The following PHLPP1 variants were observed in gnomAD, a reference collection of about 807,000 sequenced individuals.
PHLPP1 encodes PH domain and leucine rich repeat protein phosphatase 1.
A neutral mutation model predicts 117.2 loss-of-function variants in PHLPP1; 42 were observed. That is an observed-to-expected ratio of 0.36 (90% CI 0.28 to 0.46). PHLPP1 has a LOEUF of 0.46. Among genes scored for constraint, PHLPP1 ranks in the 20% least tolerant of loss-of-function variants. PHLPP1 has a pLI of 1.00. For missense variants in PHLPP1, 2,084 were observed against 2,241.9 expected (o/e 0.93, Z 1.42); for synonymous variants, 1,042 against 970.7 (o/e 1.07, Z -1.37).
intron 1 of PHLPP1, among the ~76,000 whole-genome samples, chr18:62,743,897 T>G (rs1288407184): frequency 1.3e-5 from 2 of 152,128 alleles, no homozygotes; most frequent in Admixed American, 1.3e-4. Context: ...CATTGAAATT[T>G]TGGACATATA....
chr18:62,917,723 A>C (rs1035864117), intron 9 of PHLPP1, among the ~76,000 whole-genome samples: 6 of 151,682 alleles, frequency 4.0e-5, no homozygotes, highest in Admixed American at 3.3e-4. Context: ...TTGAGGCAGG[A>C]GGATTGCTTG....
At chr18:62,941,067 A>C (rs983288508) in intron 10 of PHLPP1, among the ~76,000 whole-genome samples, 1 of 152,120 alleles carries the variant, frequency 6.6e-6, no homozygotes, top group African/African-American at 2.4e-5. Flanking sequence ...CTGTTGATAC[A>C]TGTTGTTTTA....
At position 62,715,704 on chromosome 18, in the gene PHLPP1, C is replaced by A; in HGVS notation, c.21C>A (p.Ala7=). 3 of 1,290,800 alleles carry A rather than the reference C, an allele frequency of 2.3e-6. No individual in the cohort carries two copies. The highest frequency in any genetic ancestry group is 2.6e-4 in the Middle Eastern group (1 of 3,810). The allele number at this position is 1,290,800 out of a possible 1,614,324, so 80.0% of individuals were successfully genotyped here. MEPAAA[A]TVQRLPELGR... is the part of the protein sequence containing the mutation. ...CTGCAATGGAGCCCGCCGCCGCGGC[C>A]ACGGTACAGCGACTCCCCGAGCTCG... Residue 7 remains alanine (A), a synonymous_variant, in exon 1 of 17, where the codon GCC becomes GCA. Coordinates refer to ENST00000262719, the MANE Select transcript of PHLPP1 (RefSeq NM_194449.4).
chr18:62,870,407 A>C (rs1915875000), intron 4 of PHLPP1, among the ~76,000 whole-genome samples: 1 of 152,234 alleles, frequency 6.6e-6, no homozygotes, highest in Non-Finnish European at 1.5e-5. Flanking sequence ...AGAAAGCATT[A>C]ACGTGGTTTT....
At position 62,715,732 on chromosome 18, in the gene PHLPP1, A is replaced by G. The variant is rs1177188744; in HGVS notation, c.49A>G (p.Arg17Gly). ...GGTACAGCGACTCCCCGAGCTCGGC[A>G]GGGAGGACCGAGCTTCGGCTCCGGC... ...ATVQRLPELG[R>G]EDRASAPAAA... is the part of the protein sequence containing the mutation. Residue 17 changes from arginine to glycine, a missense_variant, in exon 1 of 17, where the codon AGG becomes GGG. Arg to Gly is a moderately radical substitution (Grantham distance 125). Coordinates refer to ENST00000262719, the MANE Select transcript of PHLPP1 (RefSeq NM_194449.4). 1.7e-6 allele frequency: 2 copies of G among 1,197,096 alleles called. No individual in the cohort carries two copies. The highest frequency in any genetic ancestry group is 2.1e-6 in the Non-Finnish European group (2 of 961,342). 74.2% of individuals were successfully genotyped at this position (1,197,096 alleles called of 1,614,324 possible). A position where few individuals can be genotyped will look rare whatever the true frequency, so the allele number is the denominator to read the frequency against.
chr18:62,803,992 G>A (rs951534605), intron 1 of PHLPP1, among the ~76,000 whole-genome samples: 6 of 151,960 alleles, frequency 3.9e-5, no homozygotes, highest in South Asian at 2.1e-4. Flanking sequence ...GTATTAGTCC[G>A]TTTTCACACT....
chr18:62,716,577 C>G lies in PHLPP1; in HGVS notation c.894C>G (p.Pro298=), dbSNP rs1910745764. The G allele has an allele frequency of 1.6e-6, 2 of 1,212,194 alleles. No homozygotes were observed. The highest frequency in any genetic ancestry group is 3.2e-5 in the African/African-American group (2 of 63,304). The allele number at this position is 1,212,194 out of a possible 1,614,324, so 75.1% of individuals were successfully genotyped here. The part of the protein sequence containing the change: ...PGAFGGPPRA[P]PADLPLPVGG... ...CCTTCGGGGGGCCTCCGCGCGCGCC[C>G]CCCGCCGACCTACCCCTGCCCGTCG... Residue 298 remains proline (P), a synonymous_variant, in exon 1 of 17, where the codon CCC becomes CCG. Coordinates refer to ENST00000262719, the MANE Select transcript of PHLPP1 (RefSeq NM_194449.4). This position sits in a 1 kb window ranked among gnomAD's most constrained non-coding sequence, Gnocchi z 5.7.
chr18:62,968,436 C>T (rs1361960774), intron 14 of PHLPP1, among the ~76,000 whole-genome samples: 1 of 147,058 alleles, frequency 6.8e-6, no homozygotes, highest in African/African-American at 2.5e-5. Flanking sequence ...CTTGAACAAA[C>T]TTTGGTAATT....
intron 1 of PHLPP1, among the ~76,000 whole-genome samples, chr18:62,763,425 T>C (rs1362509553): frequency 1.3e-5 from 2 of 152,202 alleles, no homozygotes. Flanking sequence ...ACATCTGCTG[T>C]CTTCAGCCCT....
chr18:62,890,610 C>T (rs572721379), intron 4 of PHLPP1, among the ~76,000 whole-genome samples: 1 of 152,282 alleles, frequency 6.6e-6, no homozygotes, highest in African/African-American at 2.4e-5. Flanking sequence ...CCTCATTCAG[C>T]GTATTGCTGC....
intron 1 of PHLPP1, among the ~76,000 whole-genome samples, chr18:62,787,357 G>T (rs1247817049): frequency 6.6e-6 from 1 of 152,036 alleles, no homozygotes; most frequent in Non-Finnish European, 1.5e-5. Flanking sequence ...TAATAGAGAC[G>T]GGTTTTCGCC....
chr18:62,854,800 G>A (rs1461948788), intron 3 of PHLPP1, among the ~76,000 whole-genome samples: 1 of 150,556 alleles, frequency 6.6e-6, no homozygotes, highest in Non-Finnish European at 1.5e-5. Flanking sequence ...AGGTTCAAGT[G>A]ATTCTCCTGC....
intron 14 of PHLPP1, among the ~76,000 whole-genome samples, chr18:62,965,612 C>T (rs1910879467): frequency 6.6e-6 from 1 of 151,464 alleles, no homozygotes; most frequent in Non-Finnish European, 1.5e-5. Flanking sequence ...GCGCCCACCA[C>T]CATGCCCGAC....
At chr18:62,721,291 A>C (rs1468104866) in intron 1 of PHLPP1, among the ~76,000 whole-genome samples, 3 of 152,132 alleles carry the variant, frequency 2.0e-5, no homozygotes, top group South Asian at 2.1e-4. Flanking sequence ...CTTGGATTTA[A>C]GTTGATATGA....
chr18:62,918,578 A>G (rs537566081), intron 9 of PHLPP1, among the ~76,000 whole-genome samples: 1 of 152,208 alleles, frequency 6.6e-6, no homozygotes, highest in South Asian at 2.1e-4. Context: ...CTGCCAACTC[A>G]GGGATCTTTA....
intron 1 of PHLPP1, among the ~76,000 whole-genome samples, chr18:62,796,298 T>C (rs949457879): frequency 2.0e-5 from 3 of 152,252 alleles, no homozygotes; most frequent in African/African-American, 4.8e-5. Context: ...GAAGGTGTTA[T>C]TGTTTTTACC....
chr18:62,810,054 T>C (rs1275275988), intron 1 of PHLPP1, among the ~76,000 whole-genome samples: 1 of 152,232 alleles, frequency 6.6e-6, no homozygotes, highest in Admixed American at 6.5e-5. Context: ...AGAGCTTCTC[T>C]AGTTAAATAA....
intron 1 of PHLPP1, among the ~76,000 whole-genome samples, chr18:62,784,374 A>G (rs959615243): frequency 6.6e-6 from 1 of 152,258 alleles, no homozygotes; most frequent in Non-Finnish European, 1.5e-5. Context: ...CCAAAGGCTA[A>G]TAGAAAGAAA....
rs1910726781 is a variant in PHLPP1, at chr18:62,716,190, C to A, written c.507C>A (p.Thr169=). ...GCTCGGCCTCGGCGTCGCTGTGCACCCGGAGCCTGGACAGGAAGACGCTGC... is the reference window on the plus strand; with the variant it reads ...GCTCGGCCTCGGCGTCGCTGTGCACACGGAGCCTGGACAGGAAGACGCTGC... ...ASCSASASLC[T]RSLDRKTLLL... Residue 169 remains threonine, a synonymous_variant, in exon 1 of 17, where the codon ACC becomes ACA. Transcript: ENST00000262719. This position sits in a 1 kb window ranked among gnomAD's most constrained non-coding sequence, Gnocchi z 5.7. The A allele has an allele frequency of 3.3e-6, 5 of 1,520,674 alleles. No homozygotes were observed. The highest frequency in any genetic ancestry group is 3.5e-6 in the Non-Finnish European group (4 of 1,140,132). The allele number at this position is 1,520,674 out of a possible 1,614,324, so 94.2% of individuals were successfully genotyped here.
Sources: allele counts gnomAD v4.1 joint callset (sites outside exome capture counted in the v4.1 genomes callset), GRCh38; gene constraint gnomAD v4.1.1; non-coding constraint Gnocchi (gnomAD v3.1); transcripts MANE v1.5; gene names NCBI Gene and HGNC (gene_info 2026-07-23, HGNC 2026-07-21).